The following SLC44A5 variants were observed in gnomAD, a reference collection of about 807,000 sequenced individuals.
SLC44A5 encodes solute carrier family 44 member 5, also known as choline transporter-like protein 5.
Under a neutral mutation model 101.8 loss-of-function variants are expected in SLC44A5, and 57 were observed. The observed-to-expected ratio is 0.56, with a 90% CI of 0.45 to 0.70. The LOEUF (loss-of-function observed/expected upper bound fraction) is 0.70, where lower values mean the gene tolerates loss of function less well. SLC44A5 is among the 30% of genes least tolerant of loss of function. SLC44A5 has a pLI of 0.00. For missense variants in SLC44A5, 737 were observed against 853.1 expected, an observed-to-expected ratio of 0.86 and a Z score of 1.70; for synonymous variants, 281 against 290.9, an observed-to-expected ratio of 0.97 and a Z score of 0.35.
intron 2 of SLC44A5, among the ~76,000 whole-genome samples, chr1:75,479,257 T>C (rs1667656409): frequency 6.6e-6 from 1 of 152,224 alleles, no homozygotes; most frequent in South Asian, 2.1e-4. Context: ...AAGCAGTGTG[T>C]AGCGGGAAAC....
At chr1:75,593,602 A>G (rs1442918903) in intron 1 of SLC44A5, among the ~76,000 whole-genome samples, 2 of 152,152 alleles carry the variant, frequency 1.3e-5, no homozygotes, top group African/African-American at 2.4e-5. Context: ...CCATCAACAC[A>G]TGAATAGATA....
intron 2 of SLC44A5, among the ~76,000 whole-genome samples, chr1:75,529,114 C>G (rs1444880076): frequency 6.6e-6 from 1 of 152,104 alleles, no homozygotes; most frequent in Non-Finnish European, 1.5e-5. Flanking sequence ...TATCCCAGCA[C>G]CCGGCACTGT....
chr1:75,217,434 G>T (rs1047211400), intron 18 of SLC44A5, among the ~76,000 whole-genome samples: 3 of 151,938 alleles, frequency 2.0e-5, no homozygotes, highest in African/African-American at 7.3e-5. Context: ...TCCAAGCAAA[G>T]TTTATGTGTT....
chr1:75,304,771 A>C (rs1368119811), intron 4 of SLC44A5, among the ~76,000 whole-genome samples: 1 of 152,112 alleles, frequency 6.6e-6, no homozygotes, highest in Non-Finnish European at 1.5e-5. Flanking sequence ...AGGTGGATTC[A>C]TTTTTACTTT....
chr1:75,420,200 C>G (rs1663915398), intron 2 of SLC44A5, among the ~76,000 whole-genome samples: 1 of 152,122 alleles, frequency 6.6e-6, no homozygotes, highest in Non-Finnish European at 1.5e-5. Flanking sequence ...TCTTAGACTT[C>G]TCAGCCTCCA....
chr1:75,640,986 A>G, the SLC44A5 span, among the ~76,000 whole-genome samples: 1 of 152,078 alleles, frequency 6.6e-6, no homozygotes, highest in African/African-American at 2.4e-5. Context: ...CTTCATGTGA[A>G]CTATGACAAA....
chr1:75,285,958 G>T (rs113665672), intron 5 of SLC44A5, among the ~76,000 whole-genome samples: 7,283 of 152,114 alleles, frequency 0.048, 239 homozygotes, highest in Middle Eastern at 0.12. Context: ...TTGTTGGGTA[G>T]AATTTTCTGT....
chr1:75,651,588 T>A, the SLC44A5 span, among the ~76,000 whole-genome samples: 1 of 150,976 alleles, frequency 6.6e-6, no homozygotes, highest in Non-Finnish European at 1.5e-5. Flanking sequence ...TCCCAGCTAC[T>A]CGGGAGGCTG....
intron 7 of SLC44A5, among the ~76,000 whole-genome samples, chr1:75,250,853 G>A (rs1345130504): frequency 1.3e-5 from 2 of 152,130 alleles, no homozygotes; most frequent in Non-Finnish European, 2.9e-5. Flanking sequence ...ATTGTGTGAA[G>A]TCACTGAAAA....
intron 4 of SLC44A5, among the ~76,000 whole-genome samples, chr1:75,336,086 T>G (rs1337438358): frequency 1.3e-5 from 2 of 152,176 alleles, no homozygotes; most frequent in Non-Finnish European, 2.9e-5. Context: ...ATTTTCATTT[T>G]TTTCTTAGTA....
At chr1:75,265,638 T>C (rs967594117) in intron 6 of SLC44A5, among the ~76,000 whole-genome samples, 4 of 152,214 alleles carry the variant, frequency 2.6e-5, no homozygotes, top group Admixed American at 1.3e-4. Flanking sequence ...ACTTGAATAT[T>C]ACACATTTTA....
At chr1:75,387,331 C>A (rs1435490399) in intron 3 of SLC44A5, among the ~76,000 whole-genome samples, 4 of 144,278 alleles carry the variant, frequency 2.8e-5, no homozygotes, top group Admixed American at 2.8e-4. Context: ...GGCTAATATC[C>A]AGAATCTACA....
chr1:75,466,231 C>A (rs145161699), intron 2 of SLC44A5, among the ~76,000 whole-genome samples: 40 of 152,240 alleles, frequency 2.6e-4, no homozygotes, highest in African/African-American at 9.4e-4. Context: ...CATACGTAAG[C>A]CAATCCATGT....
intron 2 of SLC44A5, among the ~76,000 whole-genome samples, chr1:75,470,268 C>T (rs529698495): frequency 6.6e-6 from 1 of 152,210 alleles, no homozygotes; most frequent in South Asian, 2.1e-4. Context: ...TACTTTAAAA[C>T]AGCAGTAAAA....
At chr1:75,489,240 T>TA (rs140356341) in intron 2 of SLC44A5, among the ~76,000 whole-genome samples, 22,661 of 151,970 alleles carry the variant, frequency 0.15, 2,205 homozygotes, top group Non-Finnish European at 0.22. Flanking sequence ...GTAATTATTT[T>TA]AAAAAAAACA....
At chr1:75,414,480 T>C (rs551910458) in intron 2 of SLC44A5, among the ~76,000 whole-genome samples, 8 of 152,106 alleles carry the variant, frequency 5.3e-5, no homozygotes, top group Non-Finnish European at 1.2e-4. Context: ...CCAGAGTTAG[T>C]AAGAAATAAG....
the SLC44A5 span, chr1:75,723,967 G>A: frequency 6.6e-6 from 1 of 152,060 alleles, no homozygotes; most frequent in East Asian, 1.9e-4. Flanking sequence ...GGTCTCACTG[G>A]AAGAGAAAGT....
chr1:75,675,359 T>G, the SLC44A5 span, among the ~76,000 whole-genome samples: 1 of 152,324 alleles, frequency 6.6e-6, no homozygotes, highest in African/African-American at 2.4e-5. Flanking sequence ...AGGTGTTTTA[T>G]TCTCTTTGTA....
At chr1:75,460,935 T>A (rs1386674641) in intron 2 of SLC44A5, among the ~76,000 whole-genome samples, 1 of 152,082 alleles carries the variant, frequency 6.6e-6, no homozygotes, top group African/African-American at 2.4e-5. Flanking sequence ...ATAATTCATC[T>A]CCATTAAAAT....
Sources: allele counts gnomAD v4.1 joint callset (sites outside exome capture counted in the v4.1 genomes callset), GRCh38; gene constraint gnomAD v4.1.1; transcripts MANE v1.5; gene names NCBI Gene and HGNC (gene_info 2026-07-23, HGNC 2026-07-21).